Variants in PHACTR1 observed in about 807,000 individuals in gnomAD.
PHACTR1 encodes the protein phosphatase and actin regulator 1, also known as RPEL repeat containing 1.
A neutral mutation model predicts 69.2 loss-of-function variants in PHACTR1; 16 were observed. The observed-to-expected ratio is 0.23, with a 90% CI of 0.16 to 0.35. PHACTR1 has a LOEUF of 0.35. Ranked by LOEUF, PHACTR1 falls within the 10% of genes least tolerant of loss-of-function variation. The pLI is 1.00. For synonymous variants in PHACTR1, 312 were observed against 284.5 expected (o/e 1.10, Z -0.97); for missense variants, 510 against 734.7 (o/e 0.69, Z 3.54).
chr6:13,218,947 G>A (rs1014059506), intron 8 of PHACTR1, among the ~76,000 whole-genome samples: 1 of 151,470 alleles, frequency 6.6e-6, no homozygotes, highest in Non-Finnish European at 1.5e-5. Context: ...GGCAGAAATG[G>A]TTATCTACCC....
chr6:12,865,549 C>G (rs1443816548), intron 4 of PHACTR1, among the ~76,000 whole-genome samples: 3 of 152,138 alleles, frequency 2.0e-5, no homozygotes, highest in African/African-American at 7.2e-5. Context: ...TCTTTTCACT[C>G]TCTTTAATGG....
At chr6:12,852,234 GGCC>G (rs1779902801) in intron 4 of PHACTR1, among the ~76,000 whole-genome samples, 1 of 152,142 alleles carries the variant, frequency 6.6e-6, no homozygotes, top group African/African-American at 2.4e-5. Context: ...AATTGACGAG[GGCC>G]AAGCAACGTC....
chr6:12,785,838 T>A (rs1771477051), intron 4 of PHACTR1, among the ~76,000 whole-genome samples: 1 of 152,208 alleles, frequency 6.6e-6, no homozygotes, highest in Admixed American at 6.5e-5. Flanking sequence ...ATATTATTCA[T>A]TCATCATAGC....
intron 8 of PHACTR1, among the ~76,000 whole-genome samples, chr6:13,221,594 G>A (rs934253613): frequency 6.6e-6 from 1 of 152,186 alleles, no homozygotes. Flanking sequence ...CCTTGGCCAC[G>A]TGCCTTTGCA....
chr6:13,213,088 T>TTGAGTGAGTGAG lies in PHACTR1; in HGVS notation c.986+6972_986+6983dup, dbSNP rs547670652. On this transcript the variant is annotated intron_variant, in intron 8 of 14. Transcript: ENST00000332995. Reference sequence around the variant, plus strand: ...CTACAACAGGGCCTGGCTTATAGGTTTGAGTGAGTGAGTGAGTGAGTGAGT... The same window carrying TTGAGTGAGTGAG: ...CTACAACAGGGCCTGGCTTATAGGTTTGAGTGAGTGAGTGAGTGAGTGAGTGAGTGAGTGAGT... Among the ~76,000 whole-genome samples, 602 of 151,882 alleles carry TTGAGTGAGTGAG rather than the reference T, an allele frequency of 4.0e-3. 4 individuals carry two copies. The highest frequency in any genetic ancestry group is 0.014 in the African/African-American group (566 of 41,320).
At chr6:12,811,825 C>T (rs1775043767) in intron 4 of PHACTR1, among the ~76,000 whole-genome samples, 3 of 152,222 alleles carry the variant, frequency 2.0e-5, no homozygotes, top group Admixed American at 2.0e-4. Flanking sequence ...AAGGCAGGCA[C>T]CATACTCGGT....
intron 10 of PHACTR1, among the ~76,000 whole-genome samples, chr6:13,231,925 C>T (rs1483451196): frequency 6.6e-6 from 1 of 152,192 alleles, no homozygotes; most frequent in Non-Finnish European, 1.5e-5. Flanking sequence ...TAATGTCACA[C>T]AGCACAGCTC....
intron 4 of PHACTR1, among the ~76,000 whole-genome samples, chr6:13,023,796 G>T (rs970166048): frequency 6.6e-6 from 1 of 152,238 alleles, no homozygotes; most frequent in African/African-American, 2.4e-5. Flanking sequence ...AAAAAATGGG[G>T]TCGGGCACAA....
intron 4 of PHACTR1, among the ~76,000 whole-genome samples, chr6:12,769,143 A>G (rs2127623019): frequency 6.6e-6 from 1 of 152,266 alleles, no homozygotes; most frequent in Middle Eastern, 3.4e-3. Context: ...ATAGGAGGAT[A>G]TACACAGTAG....
chr6:12,883,196 A>G (rs1783273675), intron 4 of PHACTR1, among the ~76,000 whole-genome samples: 4 of 152,176 alleles, frequency 2.6e-5, no homozygotes, highest in African/African-American at 9.6e-5. Context: ...GTATATCAAA[A>G]CAAGAATGTC....
chr6:13,105,219 A>C (rs576263755), intron 5 of PHACTR1, among the ~76,000 whole-genome samples: 1 of 152,112 alleles, frequency 6.6e-6, no homozygotes, highest in Admixed American at 6.6e-5. Context: ...CTCTACAAAA[A>C]AATTTAAAAA....
At chr6:12,940,162 C>T (rs1021449742) in intron 4 of PHACTR1, among the ~76,000 whole-genome samples, 1 of 152,224 alleles carries the variant, frequency 6.6e-6, no homozygotes, top group African/African-American at 2.4e-5. Context: ...AGCACACCCT[C>T]TTGCAACAGC....
At chr6:13,097,767 C>G (rs1335225079) in intron 5 of PHACTR1, among the ~76,000 whole-genome samples, 1 of 152,154 alleles carries the variant, frequency 6.6e-6, no homozygotes, top group Non-Finnish European at 1.5e-5. Flanking sequence ...ACTTACTCCT[C>G]CTCTAGTATC....
At chr6:12,845,438 C>A (rs1016317984) in intron 4 of PHACTR1, among the ~76,000 whole-genome samples, 2 of 69,480 alleles carry the variant, frequency 2.9e-5, no homozygotes, top group African/African-American at 4.8e-5. Flanking sequence ...CACCCCCCCC[C>A]CCCCCGCCCT....
intron 7 of PHACTR1, among the ~76,000 whole-genome samples, chr6:13,201,469 C>T (rs905309292): frequency 4.6e-5 from 7 of 152,108 alleles, no homozygotes; most frequent in African/African-American, 1.7e-4. Flanking sequence ...CAGAGTCATA[C>T]TTGGACTTGC....
intron 10 of PHACTR1, among the ~76,000 whole-genome samples, chr6:13,240,191 A>G (rs993542582): frequency 3.3e-5 from 5 of 152,170 alleles, no homozygotes; most frequent in African/African-American, 9.7e-5. Flanking sequence ...GCTATACTCA[A>G]CTGCAGACTA....
intron 5 of PHACTR1, among the ~76,000 whole-genome samples, chr6:13,153,461 G>A (rs1180425858): frequency 1.3e-5 from 2 of 152,190 alleles, no homozygotes; most frequent in South Asian, 2.1e-4. Context: ...GATCTTGTCA[G>A]CTAACATTGT....
At chr6:13,012,907 CTGTT>C (rs1799604411) in intron 4 of PHACTR1, among the ~76,000 whole-genome samples, 3 of 152,176 alleles carry the variant, frequency 2.0e-5, no homozygotes, top group African/African-American at 7.2e-5. Flanking sequence ...GTTAAAGGCA[CTGTT>C]CTCCCTGCAA....
chr6:12,835,988 C>T (rs1778117102), intron 4 of PHACTR1, among the ~76,000 whole-genome samples: 1 of 152,058 alleles, frequency 6.6e-6, no homozygotes, highest in East Asian at 1.9e-4. Flanking sequence ...AATTTAAATC[C>T]TCAGTGTGCC....
Sources: allele counts gnomAD v4.1 joint callset (sites outside exome capture counted in the v4.1 genomes callset), GRCh38; gene constraint gnomAD v4.1.1; transcripts MANE v1.5; gene names NCBI Gene and HGNC (gene_info 2026-07-23, HGNC 2026-07-21).